The following TRA2B variants were observed in gnomAD, a reference collection of about 807,000 sequenced individuals.
TRA2B encodes the protein transformer-2 protein homolog beta.
TRA2B carries 14 observed loss-of-function variants against 41.7 expected under a neutral mutation model. The ratio of observed to expected loss-of-function variants is 0.34; its 90% CI spans 0.22 to 0.53. The LOEUF is 0.53. Ranked by LOEUF, TRA2B falls within the 20% of genes least tolerant of loss-of-function variation. TRA2B has a pLI of 0.95. For synonymous variants in TRA2B, 130 were observed against 128.8 expected, an observed-to-expected ratio of 1.01 and a Z score of -0.06; for missense variants, 167 against 396.8, an observed-to-expected ratio of 0.42 and a Z score of 4.92.
In TRA2B at chr3:185,915,174, G is replaced by C. The variant is rs548422408; in HGVS notation, c.*2541C>G. On this transcript the variant is annotated 3_prime_UTR_variant, in exon 9 of 9. Transcript: ENST00000453386. The stretch of plus-strand genomic sequence containing the variant: ...GGAGATCGGAAACCCCTGCTCCCAG[G>C]TCTACAAATCTTTTGACACAGCCTT... 3.0e-4 allele frequency among the ~76,000 whole-genome samples: 46 copies of C among 152,240 alleles called. No homozygotes were observed. The highest frequency in any genetic ancestry group is 1.0e-3 in the African/African-American group (42 of 41,542).
chr3:185,917,761 G>C, intron 8 of TRA2B, 36 bp from the exon 9 acceptor site: 1 of 1,602,304 alleles, frequency 6.2e-7, no homozygotes, highest in Non-Finnish European at 8.5e-7. Flanking sequence ...TTAATATTAA[G>C]TGAACTAATT....
At chr3:185,917,800 C>G in intron 8 of TRA2B, 75 bp from the exon 9 acceptor site, 1 of 1,502,968 alleles carries the variant, frequency 6.7e-7, no homozygotes, top group Non-Finnish European at 9.2e-7. Context: ...CCGAGAATTT[C>G]AGAATATTCT....
chr3:185,936,514 T>C, intron 1 of TRA2B: 1 of 985,410 alleles, frequency 1.0e-6, no homozygotes, highest in Non-Finnish European at 1.2e-6. Flanking sequence ...CGCAGGAAAC[T>C]CACGCTTCAT....
rs1177069739 is a variant in TRA2B at position 185,935,204 on chromosome 3, G to C, written c.36+2621C>G. Reference sequence around the variant, plus strand: ...GTGCTAGTCAACCCCTTTACAAAATGCAAGCAATTTTGGGGGAAGAGTCTT... The same window carrying C: ...GTGCTAGTCAACCCCTTTACAAAATCCAAGCAATTTTGGGGGAAGAGTCTT... On this transcript the variant is annotated intron_variant, in intron 1 of 8. Coordinates refer to ENST00000453386, the MANE Select transcript of TRA2B (RefSeq NM_004593.3). 3 of 985,296 alleles carry C rather than the reference G, an allele frequency of 3.0e-6. No homozygotes were observed. In the African/African-American group the frequency reaches 5.2e-5, roughly 17 times the overall value. The allele number at this position is 985,296 out of a possible 1,614,324, so 61.0% of individuals were successfully genotyped here.
rs982709405 is a variant in TRA2B at position 185,925,681 on chromosome 3, A to G, written c.171-55T>C. On this transcript the variant is annotated intron_variant, in intron 2 of 8. Transcript: ENST00000453386. Reference sequence around the variant, plus strand: ...ACTGAAAACAAATATTGTCTTCTTTATTACTCTGTTCTAAAGTTAAACTCC... The same window carrying G: ...ACTGAAAACAAATATTGTCTTCTTTGTTACTCTGTTCTAAAGTTAAACTCC... 4.1e-5 allele frequency: 64 copies of G among 1,543,894 alleles called. No individual in the cohort carries two copies. The Admixed American group carries it at 1.3e-3, about 30-fold the overall frequency.
At chr3:185,930,645 G>A (rs1053374470) in intron 1 of TRA2B, among the ~76,000 whole-genome samples, 1 of 152,132 alleles carries the variant, frequency 6.6e-6, no homozygotes, top group African/African-American at 2.4e-5. Flanking sequence ...TCAACTGAAA[G>A]TAACATTACA....
intron 1 of TRA2B, chr3:185,936,279 T>C (rs1744352008): frequency 1.0e-6 from 1 of 985,324 alleles, no homozygotes; most frequent in Admixed American, 6.1e-5. Context: ...CAGATTCAAC[T>C]GCCAATGATC....
chr3:185,936,234 T>A, intron 1 of TRA2B: 1 of 985,414 alleles, frequency 1.0e-6, no homozygotes, highest in Non-Finnish European at 1.2e-6. Context: ...TTAAAATCGC[T>A]TACTTTGCAG....
intron 3 of TRA2B, 150 bp from the exon 4 acceptor site, chr3:185,924,134 G>T (rs918156737): frequency 3.5e-6 from 2 of 574,106 alleles, no homozygotes; most frequent in Non-Finnish European, 2.7e-6. Context: ...CAAAATTACA[G>T]CAAGTACTAC....
intron 4 of TRA2B, 44 bp downstream of exon 4, chr3:185,923,752 A>G (rs2150113940): frequency 6.6e-7 from 1 of 1,524,466 alleles, no homozygotes; most frequent in Non-Finnish European, 8.8e-7. Flanking sequence ...ACTTGGCGTT[A>G]ACAATAGAAC....
chr3:185,922,091 C>A lies in TRA2B; in HGVS notation c.558G>T (p.Gly186=), dbSNP rs759141800. ...KERANGMELD[G]RRIRVDFSIT... Reference sequence around the variant, plus strand: ...TAGAGAAATCAACTCTGATCCTACGCCCATCAAGCTCCATTCCATTGGCAC... The same window carrying A: ...TAGAGAAATCAACTCTGATCCTACGACCATCAAGCTCCATTCCATTGGCAC... Residue 186 remains glycine (G), a synonymous_variant, in exon 5 of 9, where the codon GGG becomes GGT. Coordinates refer to ENST00000453386, the MANE Select transcript of TRA2B (RefSeq NM_004593.3). The A allele has an allele frequency of 1.2e-6, 2 of 1,613,706 alleles. No individual in the cohort carries two copies. Among genetic ancestry groups the A allele is most frequent in the South Asian group, 2.2e-5 (2 of 91,020 alleles).
In TRA2B at chr3:185,924,008, A is replaced by G. The variant is rs761308864; in HGVS notation, c.334-24T>C. 23 of 1,578,112 alleles carry G rather than the reference A, an allele frequency of 1.5e-5. No homozygotes were observed. The Admixed American group carries it at 2.4e-4, about 16-fold the overall frequency. ...GCCTAGGGAAAAAAAAAAGTTTTAAACTTTGGAAAAGTTGTCATAAAATCA... is the reference window on the plus strand; with the variant it reads ...GCCTAGGGAAAAAAAAAAGTTTTAAGCTTTGGAAAAGTTGTCATAAAATCA... On this transcript the variant is annotated intron_variant, in intron 3 of 8. Coordinates refer to ENST00000453386, the MANE Select transcript of TRA2B (RefSeq NM_004593.3).
At chr3:185,935,854 A>G in intron 1 of TRA2B, 3 of 985,466 alleles carry the variant, frequency 3.0e-6, no homozygotes, top group Non-Finnish European at 3.6e-6. Flanking sequence ...TTCACAACGT[A>G]AAAGTTTAGA....
chr3:185,921,272 A>AT, intron 5 of TRA2B, 85 bp from the exon 6 acceptor site: 1 of 1,124,332 alleles, frequency 8.9e-7, no homozygotes, highest in South Asian at 1.3e-5. Context: ...TTTCTGACAC[A>AT]TTAACTGGAA....
rs201533924 is a variant in TRA2B, at chr3:185,925,639, G to T, written c.171-13C>A. 1.2e-4 allele frequency: 196 copies of T among 1,610,732 alleles called. No homozygotes were observed. In the African/African-American group the frequency reaches 2.4e-3, roughly 20 times the overall value. On this transcript the variant is annotated splice_polypyrimidine_tract_variant and intron_variant, in intron 2 of 8. Transcript: ENST00000453386. ...TCTGGATCTAGACCTGCAAGACAAA[G>T]ACCTCCTAAGGTTATGACTGAAAAC...
chr3:185,937,466 G>T (rs1560017643), intron 1 of TRA2B: 2 of 1,059,918 alleles, frequency 1.9e-6, no homozygotes, highest in Non-Finnish European at 2.3e-6. Context: ...GCCAGCCCAA[G>T]ATGGCTGCGG....
At chr3:185,931,712 T>G in intron 1 of TRA2B, 1 of 1,372,354 alleles carries the variant, frequency 7.3e-7, no homozygotes, top group Non-Finnish European at 9.4e-7. Flanking sequence ...ATTCTACAAG[T>G]GGGACTTCTG....
At chr3:185,930,961 A>G (rs1324085483) in intron 1 of TRA2B, among the ~76,000 whole-genome samples, 1 of 152,220 alleles carries the variant, frequency 6.6e-6, no homozygotes, top group Admixed American at 6.5e-5. Context: ...AATAGGCATT[A>G]AACAGAAACA....
intron 1 of TRA2B, among the ~76,000 whole-genome samples, chr3:185,932,145 A>G (rs1313694731): frequency 6.6e-6 from 1 of 152,178 alleles, no homozygotes; most frequent in Admixed American, 6.5e-5. Context: ...TATTAGTTAC[A>G]TTTCACACTT....
Sources: allele counts gnomAD v4.1 joint callset (sites outside exome capture counted in the v4.1 genomes callset), GRCh38; gene constraint gnomAD v4.1.1; transcripts MANE v1.5; gene names NCBI Gene and HGNC (gene_info 2026-07-23, HGNC 2026-07-21).